Variants in PCDH7 observed in about 807,000 individuals in gnomAD.
PCDH7 encodes the protein protocadherin-7.
In PCDH7, 17 loss-of-function variants were observed where a neutral mutation model predicts 58.9. The observed-to-expected ratio is 0.29, with a 90% CI of 0.20 to 0.43. The LOEUF (loss-of-function observed/expected upper bound fraction) is 0.43, where lower values mean the gene tolerates loss of function less well. Among genes scored for constraint, PCDH7 ranks in the 20% least tolerant of loss-of-function variants. The pLI is 1.00. For synonymous variants in PCDH7, 664 were observed against 616.4 expected (o/e 1.08, Z -1.14); for missense variants, 1,274 against 1,441.0 (o/e 0.88, Z 1.88).
chr4:30,902,239 T>C (rs1484017045), intron 1 of PCDH7, among the ~76,000 whole-genome samples: 1 of 152,196 alleles, frequency 6.6e-6, no homozygotes, highest in Non-Finnish European at 1.5e-5. Flanking sequence ...GGATGATCTT[T>C]CTATTGGTCA....
chr4:31,045,863 T>C (rs974754058), intron 3 of PCDH7, among the ~76,000 whole-genome samples: 3 of 151,984 alleles, frequency 2.0e-5, no homozygotes, highest in Non-Finnish European at 2.9e-5. Flanking sequence ...AGAATGTCAA[T>C]TTTACCTGCA....
chr4:30,882,889 A>G (rs374978041), intron 1 of PCDH7, among the ~76,000 whole-genome samples: 2 of 152,112 alleles, frequency 1.3e-5, no homozygotes, highest in East Asian at 1.9e-4. Flanking sequence ...ACCTTACTCC[A>G]TTTTCAAGCT....
At chr4:30,957,827 A>G (rs769528236) in intron 3 of PCDH7, among the ~76,000 whole-genome samples, 11 of 152,122 alleles carry the variant, frequency 7.2e-5, no homozygotes, top group Non-Finnish European at 1.5e-4. Flanking sequence ...ATCAATGGAA[A>G]AAGTTACTTT....
At chr4:31,047,356 T>C (rs1756370688) in intron 3 of PCDH7, among the ~76,000 whole-genome samples, 1 of 152,044 alleles carries the variant, frequency 6.6e-6, no homozygotes, top group South Asian at 2.1e-4. Context: ...ATCGGTGGTC[T>C]CAAAACTTGG....
intron 1 of PCDH7, among the ~76,000 whole-genome samples, chr4:30,748,418 A>G (rs1417859226): frequency 1.3e-5 from 2 of 152,194 alleles, no homozygotes; most frequent in African/African-American, 4.8e-5. Flanking sequence ...GTCCAAGAGC[A>G]TGATACAGGC....
chr4:31,037,219 A>G (rs771994974), intron 3 of PCDH7, among the ~76,000 whole-genome samples: 2 of 152,082 alleles, frequency 1.3e-5, no homozygotes, highest in African/African-American at 2.4e-5. Flanking sequence ...CTTGTTCTCT[A>G]TCCTTGAAAA....
chr4:30,879,052 A>T (rs1295804436), intron 1 of PCDH7, among the ~76,000 whole-genome samples: 4 of 152,134 alleles, frequency 2.6e-5, no homozygotes, highest in African/African-American at 9.7e-5. Flanking sequence ...AAATATTATA[A>T]GATCATTAAG....
At chr4:30,887,029 T>C (rs1177826265) in intron 1 of PCDH7, among the ~76,000 whole-genome samples, 1 of 147,866 alleles carries the variant, frequency 6.8e-6, no homozygotes, top group Non-Finnish European at 1.5e-5. Context: ...TACCTAATGC[T>C]AGATGACGAG....
At chr4:30,883,783 A>C (rs1737313263) in intron 1 of PCDH7, among the ~76,000 whole-genome samples, 1 of 152,184 alleles carries the variant, frequency 6.6e-6, no homozygotes, top group Non-Finnish European at 1.5e-5. Flanking sequence ...CTATTGTGTC[A>C]GGGAGGTATC....
At chr4:31,013,837 C>T (rs1276971226) in intron 3 of PCDH7, among the ~76,000 whole-genome samples, 3 of 151,996 alleles carry the variant, frequency 2.0e-5, no homozygotes, top group African/African-American at 7.2e-5. Context: ...AAAAAATGTT[C>T]CTGTCACATA....
At chr4:31,067,094 A>G (rs1315170202) in intron 3 of PCDH7, among the ~76,000 whole-genome samples, 8 of 151,932 alleles carry the variant, frequency 5.3e-5, no homozygotes, top group African/African-American at 1.9e-4. Flanking sequence ...CATCTAGAAA[A>G]TAAAAGGCTT....
chr4:30,903,800 C>T (rs1202863963), intron 1 of PCDH7, among the ~76,000 whole-genome samples: 1 of 152,064 alleles, frequency 6.6e-6, no homozygotes, highest in Non-Finnish European at 1.5e-5. Context: ...AGTGTTTATG[C>T]CTTACAAGGG....
chr4:31,030,602 A>C (rs1280518559), intron 3 of PCDH7, among the ~76,000 whole-genome samples: 1 of 152,334 alleles, frequency 6.6e-6, no homozygotes, highest in East Asian at 1.9e-4. Flanking sequence ...CAAGTAGAAA[A>C]AAAGACTGAA....
intron 1 of PCDH7, among the ~76,000 whole-genome samples, chr4:30,854,657 A>T (rs1299404216): frequency 6.6e-6 from 1 of 151,974 alleles, no homozygotes; most frequent in Non-Finnish European, 1.5e-5. Context: ...ATATGAAAAA[A>T]GGGTTTAAAA....
At chr4:31,056,828 C>G (rs1017907248) in intron 3 of PCDH7, among the ~76,000 whole-genome samples, 2 of 152,186 alleles carry the variant, frequency 1.3e-5, no homozygotes, top group Non-Finnish European at 2.9e-5. Flanking sequence ...GATCCTCCCT[C>G]TTTGGTCTCC....
At chr4:31,038,755 A>G (rs143784603) in intron 3 of PCDH7, among the ~76,000 whole-genome samples, 1,576 of 152,242 alleles carry the variant, frequency 0.01, 16 homozygotes, top group Non-Finnish European at 0.016. Context: ...GTGATAATTT[A>G]CTTATCAATT....
intron 1 of PCDH7, among the ~76,000 whole-genome samples, chr4:30,821,063 TATGAA>T: frequency 6.6e-6 from 1 of 152,140 alleles, no homozygotes; most frequent in Non-Finnish European, 1.5e-5. Flanking sequence ...GCTAAGGACT[TATGAA>T]TTGTCACAAT....
intron 3 of PCDH7, among the ~76,000 whole-genome samples, chr4:31,132,623 T>TA: frequency 6.6e-6 from 1 of 152,172 alleles, no homozygotes; most frequent in Non-Finnish European, 1.5e-5. Flanking sequence ...AATTGATACT[T>TA]ACAACTGTTT....
chr4:30,854,803 G>T (rs1400444109), intron 1 of PCDH7, among the ~76,000 whole-genome samples: 4 of 152,008 alleles, frequency 2.6e-5, no homozygotes, highest in African/African-American at 9.7e-5. Flanking sequence ...GAAGAGGAGG[G>T]TTGTGGGTAG....
Sources: gnomAD v4.1 joint callset for allele counts (sites outside exome capture counted in the v4.1 genomes callset) on GRCh38, gnomAD v4.1.1 for gene constraint, MANE v1.5 for transcripts, NCBI Gene and HGNC (gene_info 2026-07-23, HGNC 2026-07-21) for gene names.